SLC25A25: variants seen among roughly 807,000 people sequenced by gnomAD.
SLC25A25 encodes mitochondrial adenyl nucleotide antiporter SLC25A25.
SLC25A25 carries 32 observed loss-of-function variants against 57.7 expected under a neutral mutation model. The ratio of observed to expected loss-of-function variants is 0.55; its 90% CI spans 0.42 to 0.74. The LOEUF is 0.74. SLC25A25 is among the 30% of genes least tolerant of loss of function. The pLI is 0.00. For synonymous variants in SLC25A25, 306 were observed against 291.2 expected (o/e 1.05, Z -0.52); for missense variants, 556 against 701.3 (o/e 0.79, Z 2.34).
chr9:128,079,365 G>T (rs1399058756), intron 1 of SLC25A25, among the ~76,000 whole-genome samples: 1 of 137,544 alleles, frequency 7.3e-6, no homozygotes, highest in African/African-American at 2.7e-5. Flanking sequence ...CCTACATTGT[G>T]TAAGAAGACT....
chr9:128,083,811 C>T (rs1383421942), intron 1 of SLC25A25, among the ~76,000 whole-genome samples: 2 of 152,032 alleles, frequency 1.3e-5, no homozygotes, highest in African/African-American at 2.4e-5. Context: ...AGCCACCGTG[C>T]CCGGCTGAGT....
At chr9:128,100,760 C>T (rs1387343098) in intron 1 of SLC25A25, 3 of 286,144 alleles carry the variant, frequency 1.0e-5, no homozygotes, top group African/African-American at 4.4e-5. Flanking sequence ...CCTGGCTGTA[C>T]GGCACGCAGG....
chr9:128,106,288 A>T (rs1350764655), intron 8 of SLC25A25, 31 bp downstream of exon 8: 1 of 1,614,014 alleles, frequency 6.2e-7, no homozygotes, highest in South Asian at 1.1e-5. Flanking sequence ...TGGGGCGGGC[A>T]GTGGGCACAG....
intron 1 of SLC25A25, among the ~76,000 whole-genome samples, chr9:128,090,817 A>G (rs534898764): frequency 1.3e-5 from 2 of 152,336 alleles, no homozygotes; most frequent in East Asian, 1.9e-4. Flanking sequence ...ATCTCAATCA[A>G]TCAATCAATC....
chr9:128,107,544 C>A lies in SLC25A25; in HGVS notation c.*100C>A. ...TGAATGTGCCAACACTAAGCTGTCT[C>A]GAGCCAAGCTGTGAAAACCCTAGAC... is the stretch of plus-strand genomic sequence containing the variant. On this transcript the variant is annotated 3_prime_UTR_variant, in exon 11 of 11. Transcript: ENST00000373069. 7.2e-7 allele frequency: 1 copy of A among 1,391,822 alleles called. No individual in the cohort carries two copies. The highest frequency in any genetic ancestry group is 9.5e-7 in the Non-Finnish European group (1 of 1,050,246). The allele number at this position is 1,391,822 out of a possible 1,614,324, so 86.2% of individuals were successfully genotyped here.
intron 1 of SLC25A25, among the ~76,000 whole-genome samples, chr9:128,093,679 A>G (rs1237176270): frequency 1.3e-5 from 2 of 152,236 alleles, no homozygotes; most frequent in Admixed American, 1.3e-4. Context: ...TCTGAGAAGC[A>G]TAGACTCTCA....
At chr9:128,082,163 G>A (rs558371190) in intron 1 of SLC25A25, among the ~76,000 whole-genome samples, 4 of 152,310 alleles carry the variant, frequency 2.6e-5, no homozygotes, top group Admixed American at 6.5e-5. Flanking sequence ...TTTTCATGCC[G>A]GACTTCTCTT....
In SLC25A25 at chr9:128,099,948, G is replaced by A. The variant is rs930573540; in HGVS notation, c.262-1148G>A. Among the ~76,000 whole-genome samples the A allele has an allele frequency of 4.6e-5, 7 of 152,138 alleles. No homozygotes were observed. The South Asian group carries it at 1.5e-3, about 32-fold the overall frequency. ...GGGAGATTCTCGGTCCCAGTTTTGGGTTCCGGATTCAGGGCGTTGCTGAGT... is the reference window on the plus strand; with the variant it reads ...GGGAGATTCTCGGTCCCAGTTTTGGATTCCGGATTCAGGGCGTTGCTGAGT... On this transcript the variant is annotated intron_variant, in intron 1 of 10. Coordinates refer to ENST00000373069, the MANE Select transcript of SLC25A25 (RefSeq NM_001330988.2). The surrounding 1 kb of genome is among the most constrained non-coding windows in gnomAD (Gnocchi z 6.8).
intron 1 of SLC25A25, among the ~76,000 whole-genome samples, chr9:128,078,214 A>G (rs533185632): frequency 6.6e-6 from 1 of 152,264 alleles, no homozygotes; most frequent in South Asian, 2.1e-4. Flanking sequence ...TAAAGCATAG[A>G]AAGAGCCCAG....
chr9:128,072,306 G>A (rs1030914710), intron 1 of SLC25A25, among the ~76,000 whole-genome samples: 1 of 152,314 alleles, frequency 6.6e-6, no homozygotes, highest in East Asian at 1.9e-4. Flanking sequence ...AGCCGAAAGA[G>A]AACTGTGGGG....
Position 128,101,012 on chromosome 9 carries a change from CAT to C in SLC25A25, c.262-83_262-82del. 1 of 1,575,460 alleles carries C rather than the reference CAT, an allele frequency of 6.3e-7. No individual in the cohort carries two copies. The highest frequency in any genetic ancestry group is 1.1e-5 in the South Asian group (1 of 87,196). On this transcript the variant is annotated intron_variant, in intron 1 of 10. Transcript: ENST00000373069. The surrounding 1 kb of genome is among the most constrained non-coding windows in gnomAD (Gnocchi z 4.9). ...CAGCTCTGCTCGCAATTAGTGAAGT[CAT>C]TGCCTGGGGATGGGGCCCCACAAGG...
chr9:128,073,170 G>A (rs1371902354), intron 1 of SLC25A25, among the ~76,000 whole-genome samples: 1 of 152,216 alleles, frequency 6.6e-6, no homozygotes, highest in African/African-American at 2.4e-5. Flanking sequence ...TTGGACCAGA[G>A]AAGGAATTGG....
intron 1 of SLC25A25, among the ~76,000 whole-genome samples, chr9:128,082,872 G>A (rs150216390): frequency 0.02 from 3,099 of 151,818 alleles, 95 homozygotes; most frequent in African/African-American, 0.071. Context: ...ACCCACCTCC[G>A]CCTCCAAAGT....
At chr9:128,098,859 A>G in intron 1 of SLC25A25, 1 of 1,499,638 alleles carries the variant, frequency 6.7e-7, no homozygotes, top group Non-Finnish European at 8.9e-7. Context: ...TCCCATTGCC[A>G]TGCGGCTATG....
At position 128,101,054 on chromosome 9, in the gene SLC25A25, G is replaced by T. The variant is rs373766681; in HGVS notation, c.262-42G>T. 3 of 1,612,364 alleles carry T rather than the reference G, an allele frequency of 1.9e-6. No individual in the cohort carries two copies. The highest frequency in any genetic ancestry group is 1.7e-6 in the Non-Finnish European group (2 of 1,179,438). ...GCCCCACAAGGGACAAGGAAAGGCTGGTCCAGGAGCCAAAAGACAAAATGT... is the reference window on the plus strand; with the variant it reads ...GCCCCACAAGGGACAAGGAAAGGCTTGTCCAGGAGCCAAAAGACAAAATGT... On this transcript the variant is annotated intron_variant, in intron 1 of 10. Coordinates refer to ENST00000373069, the MANE Select transcript of SLC25A25 (RefSeq NM_001330988.2). The surrounding 1 kb of genome is among the most constrained non-coding windows in gnomAD (Gnocchi z 4.9).
intron 1 of SLC25A25, chr9:128,098,483 T>A (rs1359813008): frequency 1.3e-6 from 2 of 1,537,050 alleles, no homozygotes; most frequent in African/African-American, 2.7e-5. Flanking sequence ...CAGGCTTGTC[T>A]TATGCAAGTT....
chr9:128,102,295 C>T lies in SLC25A25; in HGVS notation c.513-75C>T. 6.8e-7 allele frequency: 1 copy of T among 1,475,126 alleles called. No homozygotes were observed. Among genetic ancestry groups the T allele is most frequent in the Non-Finnish European group, 9.4e-7 (1 of 1,062,710 alleles). 91.4% of individuals were successfully genotyped at this position (1,475,126 alleles called of 1,614,324 possible). On this transcript the variant is annotated intron_variant, in intron 4 of 10. Coordinates refer to ENST00000373069, the MANE Select transcript of SLC25A25 (RefSeq NM_001330988.2). This position sits in a 1 kb window ranked among gnomAD's most constrained non-coding sequence, Gnocchi z 4.1. ...TGGGCATCCGAATGCCTGCCCTTGG[C>T]TCACTGGGAGGTGGGGGGATGCAGC...
chr9:128,101,495 T>A lies in SLC25A25; in HGVS notation c.476+99T>A. 1 of 1,393,812 alleles carries A rather than the reference T, an allele frequency of 7.2e-7. No homozygotes were observed. The highest frequency in any genetic ancestry group is 9.9e-7 in the Non-Finnish European group (1 of 1,009,188). 86.3% of individuals were successfully genotyped at this position (1,393,812 alleles called of 1,614,324 possible). On this transcript the variant is annotated intron_variant, in intron 3 of 10. Coordinates refer to ENST00000373069, the MANE Select transcript of SLC25A25 (RefSeq NM_001330988.2). The surrounding 1 kb of genome is among the most constrained non-coding windows in gnomAD (Gnocchi z 4.9). The stretch of plus-strand genomic sequence containing the variant: ...CCATTCCCTGGGCTGACCCTGAACT[T>A]GGCCTTCTCGTGGTTTGAAAGGATG...
chr9:128,107,538 CTG>C lies in SLC25A25; in HGVS notation c.*96_*97del. 1 of 1,409,680 alleles carries C rather than the reference CTG, an allele frequency of 7.1e-7. No individual in the cohort carries two copies. Among genetic ancestry groups the C allele is most frequent in the South Asian group, 1.6e-5 (1 of 62,618 alleles). The allele number at this position is 1,409,680 out of a possible 1,614,324, so 87.3% of individuals were successfully genotyped here. A position where few individuals can be genotyped will look rare whatever the true frequency, so the allele number is the denominator to read the frequency against. On this transcript the variant is annotated 3_prime_UTR_variant, in exon 11 of 11. Coordinates refer to ENST00000373069, the MANE Select transcript of SLC25A25 (RefSeq NM_001330988.2). ...ATTCTGTGAATGTGCCAACACTAAG[CTG>C]TCTCGAGCCAAGCTGTGAAAACCCT... is the stretch of plus-strand genomic sequence containing the variant.
Sources: gnomAD v4.1 joint callset for allele counts (sites outside exome capture counted in the v4.1 genomes callset) on GRCh38, gnomAD v4.1.1 for gene constraint, Gnocchi (gnomAD v3.1) non-coding constraint, MANE v1.5 for transcripts, NCBI Gene and HGNC (gene_info 2026-07-23, HGNC 2026-07-21) for gene names.